SQSTM1: variants seen among roughly 807,000 people sequenced by gnomAD.
SQSTM1 encodes the protein sequestosome-1.
A neutral mutation model predicts 45.1 loss-of-function variants in SQSTM1; 36 were observed. The ratio of observed to expected loss-of-function variants is 0.80; its 90% confidence interval spans 0.61 to 1.05. SQSTM1 has a LOEUF of 1.05. Ranked by LOEUF, SQSTM1 falls within the 50% of genes least tolerant of loss-of-function variation. The pLI, the probability that SQSTM1 is intolerant of heterozygous loss-of-function variation, is 0.00. For missense variants in SQSTM1, 617 were observed against 607.1 expected, an observed-to-expected ratio of 1.02 and a Z score of -0.17; for synonymous variants, 290 against 244.3, an observed-to-expected ratio of 1.19 and a Z score of -1.74.
At chr5:179,808,881 G>A (rs1246079720) in intron 1 of SQSTM1, among the ~76,000 whole-genome samples, 19 of 142,684 alleles carry the variant, frequency 1.3e-4, no homozygotes, top group Admixed American at 5.7e-4. Flanking sequence ...TTTTTGAGAC[G>A]GAGTCTTGCT....
upstream of SQSTM1, among the ~76,000 whole-genome samples, chr5:179,819,447 C>T (rs532040667): frequency 9.2e-5 from 14 of 152,192 alleles, no homozygotes; most frequent in East Asian, 2.5e-3. Flanking sequence ...GCGCCTTGAG[C>T]GCTTCCTCAA....
chr5:179,836,817 G>C lies in SQSTM1; in HGVS notation c.*224G>C, dbSNP rs1049449325. 12 of 718,200 alleles carry C rather than the reference G, an allele frequency of 1.7e-5. No individual in the cohort carries two copies. In the African/African-American group the frequency reaches 2.1e-4, roughly 13 times the overall value. The allele number at this position is 718,200 out of a possible 1,614,324, so 44.5% of individuals were successfully genotyped here. A position where few individuals can be genotyped will look rare whatever the true frequency, so the allele number is the denominator to read the frequency against. ...CTGGGTGCCCTGGCTCCTTGCAGCA[G>C]GGCTGGGCCTGCGAGACCCAAGGCT... On this transcript the variant is annotated 3_prime_UTR_variant, in exon 8 of 8. Transcript: ENST00000389805.
chr5:179,816,423 G>A (rs546120023), upstream of SQSTM1, among the ~76,000 whole-genome samples: 2 of 152,314 alleles, frequency 1.3e-5, no homozygotes, highest in Admixed American at 6.5e-5. Flanking sequence ...TGGGACTACA[G>A]GTGTGAGCCA....
In SQSTM1 at chr5:179,824,072, C is replaced by T. The variant is rs1387392776; in HGVS notation, c.516C>T (p.Phe172=). The change falls in exon 3 of 8, where the codon TTC becomes TTT. Residue 172 remains phenylalanine, a synonymous_variant. Coordinates refer to ENST00000389805, the MANE Select transcript of SQSTM1 (RefSeq NM_003900.5). The part of the protein sequence containing the change: ...GHTKLAFPSP[F]GHLSEGFSHS... ...CCAAGCTCGCATTCCCCAGCCCCTT[C>T]GGGCACCTGTCTGAGGTGAGCAGGC... 5.6e-6 allele frequency: 9 copies of T among 1,613,762 alleles called. No homozygotes were observed. The highest frequency in any genetic ancestry group is 3.3e-5 in the Admixed American group (2 of 60,012).
At position 179,836,337 on chromosome 5, in the gene SQSTM1, C is replaced by T. The variant is rs1582029528; in HGVS notation, c.1166-99C>T. 6 of 1,542,144 alleles carry T rather than the reference C, an allele frequency of 3.9e-6. No individual in the cohort carries two copies. In the East Asian group the frequency reaches 9.0e-5, roughly 23 times the overall value. On this transcript the variant is annotated intron_variant, in intron 7 of 7. Transcript: ENST00000389805. ...AGCTCTGGGCAGGCTCGGACACTGG[C>T]AGACCCTGGTCCTGGCTGGCCAAGG...
intron 7 of SQSTM1, among the ~76,000 whole-genome samples, chr5:179,834,714 G>T (rs1225246103): frequency 1.3e-5 from 2 of 152,198 alleles, no homozygotes; most frequent in Non-Finnish European, 2.9e-5. Context: ...ATGTTTCAGA[G>T]AGCACGGGGT....
intron 5 of SQSTM1, among the ~76,000 whole-genome samples, chr5:179,827,783 C>G (rs556852620): frequency 2.2e-4 from 34 of 152,314 alleles, no homozygotes; most frequent in African/African-American, 8.2e-4. Flanking sequence ...TTATGAGGAA[C>G]TATAAGCTGG....
chr5:179,828,501 A>G (rs1758092447), intron 5 of SQSTM1, among the ~76,000 whole-genome samples: 2 of 148,396 alleles, frequency 1.3e-5, no homozygotes, highest in East Asian at 2.0e-4. Context: ...AGCCTTTCCC[A>G]GTAGCTGGGA....
Position 179,836,657 on chromosome 5 carries a change from G to A in SQSTM1, c.*64G>A. On this transcript the variant is annotated 3_prime_UTR_variant, in exon 8 of 8. Coordinates refer to ENST00000389805, the MANE Select transcript of SQSTM1 (RefSeq NM_003900.5). ...CTCATAGTTGTGTTAAGCTTGCGTA[G>A]AATTGCAGGTCTCTGTACGGGCCAG... 6.2e-7 allele frequency: 1 copy of A among 1,611,088 alleles called. No individual in the cohort carries two copies.
At position 179,806,513 on chromosome 5, in the gene SQSTM1, C is replaced by G; in HGVS notation, c.-235C>G. ...TTTCTGGCCGCTGAGTGCCGCGTAC[C>G]AGGACAGCGAGAGGAAGGCGCACAG... On this transcript the variant is annotated 5_prime_UTR_variant, in exon 1 of 6. Coordinates refer to the SQSTM1 transcript ENST00000514093. This position sits in a 1 kb window ranked among gnomAD's most constrained non-coding sequence, Gnocchi z 4.6. 7.5e-7 allele frequency: 1 copy of G among 1,333,010 alleles called. No homozygotes were observed. Among genetic ancestry groups the G allele is most frequent in the Non-Finnish European group, 9.8e-7 (1 of 1,016,570 alleles). 82.6% of individuals were successfully genotyped at this position (1,333,010 alleles called of 1,614,324 possible). A position where few individuals can be genotyped will look rare whatever the true frequency, so the allele number is the denominator to read the frequency against.
intron 7 of SQSTM1, among the ~76,000 whole-genome samples, chr5:179,834,616 T>C (rs1203319057): frequency 1.3e-5 from 2 of 151,984 alleles, no homozygotes; most frequent in Non-Finnish European, 2.9e-5. Context: ...GTGATGACTC[T>C]TAAGGAGCAT....
At chr5:179,836,335 G>A in intron 7 of SQSTM1, 101 bp from the exon 8 acceptor site, 2 of 1,534,796 alleles carry the variant, frequency 1.3e-6, no homozygotes, top group Non-Finnish European at 9.0e-7. Flanking sequence ...CTCGGACACT[G>A]GCAGACCCTG....
chr5:179,827,194 A>G (rs994833121), intron 5 of SQSTM1, among the ~76,000 whole-genome samples: 34 of 119,252 alleles, frequency 2.9e-4, no homozygotes, highest in African/African-American at 9.9e-4. Context: ...GAGGCTGCCC[A>G]GGTGCTTGGG....
rs34594760 is a variant in SQSTM1 at position 179,831,790 on chromosome 5, C to CTT, written c.755-1231_755-1230dup. On this transcript the variant is annotated intron_variant, in intron 5 of 7. Coordinates refer to ENST00000389805, the MANE Select transcript of SQSTM1 (RefSeq NM_003900.5). ...GGTCCTAGCTGAAACATTGAATGTT[C>CTT]TTTTTTTTTTTTGAGATGGAGTCTT... is the stretch of plus-strand genomic sequence containing the variant. 2.2e-3 allele frequency among the ~76,000 whole-genome samples: 329 copies of CTT among 147,648 alleles called. 5 individuals are homozygous for CTT. In the East Asian group the frequency reaches 0.026, roughly 12 times the overall value.
At chr5:179,816,799 C>T (rs1195273071), upstream of SQSTM1, among the ~76,000 whole-genome samples, 2 of 152,124 alleles carry the variant, frequency 1.3e-5, no homozygotes, top group Non-Finnish European at 2.9e-5. Flanking sequence ...GCCGCCCCCC[C>T]GTCTTTTCAG....
In SQSTM1 at chr5:179,808,983, G is replaced by A. The variant is rs375877636; in HGVS notation, c.-157+2392G>A. Among the ~76,000 whole-genome samples the A allele has an allele frequency of 1.3e-4, 20 of 149,778 alleles. No homozygotes were observed. In the East Asian group the frequency reaches 3.4e-3, roughly 25 times the overall value. On this transcript the variant is annotated intron_variant, in intron 1 of 5. Coordinates refer to the SQSTM1 transcript ENST00000514093. ...CCCCATTCTCCTGCCTCAGCCTCCCGAGTAGCTGGGACTACAGGCACCCAC... is the reference window on the plus strand; with the variant it reads ...CCCCATTCTCCTGCCTCAGCCTCCCAAGTAGCTGGGACTACAGGCACCCAC...
chr5:179,821,230 C>T, intron 1 of SQSTM1, 89 bp downstream of exon 1: 5 of 1,224,648 alleles, frequency 4.1e-6, no homozygotes, highest in Non-Finnish European at 5.3e-6. Context: ...TTCTCGGCGA[C>T]GCCTGGCGGG....
intron 7 of SQSTM1, chr5:179,836,104 A>G: frequency 2.2e-6 from 1 of 447,268 alleles, no homozygotes; most frequent in Admixed American, 3.5e-5. Flanking sequence ...TCTTGCATGG[A>G]GGAGTGTAAT....
intron 4 of SQSTM1, among the ~76,000 whole-genome samples, chr5:179,824,581 C>G (rs912994650): frequency 2.0e-5 from 3 of 152,172 alleles, no homozygotes; most frequent in Admixed American, 1.3e-4. Flanking sequence ...GCTGCCCTCT[C>G]AAGGTACCCT....
Sources: gnomAD v4.1 joint callset for allele counts (sites outside exome capture counted in the v4.1 genomes callset) on GRCh38, gnomAD v4.1.1 for gene constraint, Gnocchi (gnomAD v3.1) non-coding constraint, MANE v1.5 for transcripts, NCBI Gene and HGNC (gene_info 2026-07-23, HGNC 2026-07-21) for gene names.